Variants in SEZ6L observed in about 807,000 individuals in gnomAD.
SEZ6L encodes seizure related 6 homolog like, also known as seizure 6-like protein.
A neutral mutation model predicts 106.2 loss-of-function variants in SEZ6L; 37 were observed. That is an observed-to-expected ratio of 0.35 (90% confidence interval 0.27 to 0.46). The LOEUF (loss-of-function observed/expected upper bound fraction) is 0.46, where lower values mean the gene tolerates loss of function less well. SEZ6L is among the 20% of genes least tolerant of loss of function. SEZ6L has a pLI of 1.00. For missense variants in SEZ6L, 1,172 were observed against 1,332.8 expected (o/e 0.88, Z 1.88); for synonymous variants, 541 against 570.4 (o/e 0.95, Z 0.73).
intron 1 of SEZ6L, among the ~76,000 whole-genome samples, chr22:26,199,071 C>G (rs571372929): frequency 6.6e-6 from 1 of 152,266 alleles, no homozygotes; most frequent in South Asian, 2.1e-4. Flanking sequence ...CAGCTCTGGA[C>G]AGGTCTCTAA....
chr22:26,192,704 G>A lies in SEZ6L; in HGVS notation c.94+22941G>A, dbSNP rs193194449. On this transcript the variant is annotated intron_variant, in intron 1 of 16. Transcript: ENST00000248933. ...ATTTTCATGGGCTCTTAAAAAGCTT[G>A]TAGGCCTCAGGGCCTAATGGGTAAA... 3.4e-3 allele frequency among the ~76,000 whole-genome samples: 516 copies of A among 152,300 alleles called. 11 individuals are homozygous for A. The highest frequency in any genetic ancestry group is 4.9e-3 in the Admixed American group (75 of 15,292).
chr22:26,273,660 A>G (rs1196792359), intron 1 of SEZ6L, among the ~76,000 whole-genome samples: 2 of 152,228 alleles, frequency 1.3e-5, no homozygotes, highest in African/African-American at 4.8e-5. Context: ...TCTGATGCCC[A>G]GTGAGAACGT....
intron 3 of SEZ6L, among the ~76,000 whole-genome samples, chr22:26,294,871 C>CTCTTTCTCTT (rs1556318567): frequency 0.076 from 5,579 of 73,348 alleles, 431 homozygotes; most frequent in South Asian, 0.11. Context: ...CTTTCTCTTT[C>CTCTTTCTCTT]TCTTTCTTTC....
Position 26,356,368 on chromosome 22 carries a change from G to A in SEZ6L, c.2599+5125G>A, listed in dbSNP as rs148901930. On this transcript the variant is annotated intron_variant, in intron 12 of 16. Coordinates refer to ENST00000248933, the MANE Select transcript of SEZ6L (RefSeq NM_021115.5). ...AAATAATGACAATTGCTGGCTGGGC[G>A]TGATGGCTTACACCTGTAATCCTAG... Among the ~76,000 whole-genome samples the A allele has an allele frequency of 6.5e-3, 990 of 152,168 alleles. 7 individuals carry two copies. Among genetic ancestry groups the A allele is most frequent in the African/African-American group, 0.023 (952 of 41,490 alleles).
intron 1 of SEZ6L, among the ~76,000 whole-genome samples, chr22:26,207,720 T>C (rs1263425184): frequency 6.6e-6 from 1 of 152,196 alleles, no homozygotes; most frequent in Non-Finnish European, 1.5e-5. Flanking sequence ...AGGAATTACA[T>C]TATATATCCT....
intron 9 of SEZ6L, among the ~76,000 whole-genome samples, chr22:26,339,271 GAGA>G (rs1466002339): frequency 1.3e-5 from 2 of 152,122 alleles, no homozygotes; most frequent in African/African-American, 2.4e-5. Flanking sequence ...GAACATTAAG[GAGA>G]AGGAGACAAG....
At chr22:26,223,776 T>C (rs1023159739) in intron 1 of SEZ6L, among the ~76,000 whole-genome samples, 3 of 152,178 alleles carry the variant, frequency 2.0e-5, no homozygotes, top group African/African-American at 4.8e-5. Context: ...TCAACAGTAA[T>C]AATTATTATC....
At chr22:26,325,993 G>A (rs993563045) in intron 9 of SEZ6L, among the ~76,000 whole-genome samples, 1 of 151,904 alleles carries the variant, frequency 6.6e-6, no homozygotes, top group Non-Finnish European at 1.5e-5. Flanking sequence ...TGTTACAGTA[G>A]GAATGAAGAG....
intron 9 of SEZ6L, among the ~76,000 whole-genome samples, chr22:26,331,006 T>C (rs2082462852): frequency 6.6e-6 from 1 of 152,204 alleles, no homozygotes; most frequent in African/African-American, 2.4e-5. Flanking sequence ...TAGAAAGGAA[T>C]AAGGAAAAGA....
chr22:26,274,684 G>A (rs1177549283), intron 1 of SEZ6L, among the ~76,000 whole-genome samples: 4 of 152,158 alleles, frequency 2.6e-5, no homozygotes, highest in African/African-American at 9.7e-5. Context: ...ATCAGCAAAG[G>A]GAAGAGGTAC....
chr22:26,234,377 G>A (rs2078893582), intron 1 of SEZ6L, among the ~76,000 whole-genome samples: 1 of 152,224 alleles, frequency 6.6e-6, no homozygotes, highest in Non-Finnish European at 1.5e-5. Context: ...CCAAAGAAAT[G>A]TTCCATCTGA....
chr22:26,232,933 A>G (rs1016917114), intron 1 of SEZ6L, among the ~76,000 whole-genome samples: 8 of 152,232 alleles, frequency 5.3e-5, no homozygotes, highest in African/African-American at 1.9e-4. Context: ...CACTTAGCCC[A>G]GGGGTTTTAG....
chr22:26,173,289 T>C lies in SEZ6L; in HGVS notation c.94+3526T>C, dbSNP rs5761391. On this transcript the variant is annotated intron_variant, in intron 1 of 16. Transcript: ENST00000248933. ...ACACCAAGAAAACAAATCTCTGCGA[T>C]TGGCATGAAGCAGATGTTGGTGTAA... Among the ~76,000 whole-genome samples, 110 of 152,334 alleles carry C rather than the reference T, an allele frequency of 7.2e-4. 1 individual carries two copies. The East Asian group carries it at 0.02, about 28-fold the overall frequency.
intron 1 of SEZ6L, among the ~76,000 whole-genome samples, chr22:26,247,970 C>T (rs5997059): frequency 0.018 from 2,816 of 152,298 alleles, 92 homozygotes; most frequent in African/African-American, 0.065. Context: ...TGCCTGCCCT[C>T]AGCCTCCAGA....
At chr22:26,198,586 T>G (rs1257606152) in intron 1 of SEZ6L, among the ~76,000 whole-genome samples, 1 of 152,266 alleles carries the variant, frequency 6.6e-6, no homozygotes, top group Non-Finnish European at 1.5e-5. Context: ...TTCTAGATGC[T>G]GGCATTGGCA....
chr22:26,198,301 G>C (rs1940707992), intron 1 of SEZ6L, among the ~76,000 whole-genome samples: 1 of 152,198 alleles, frequency 6.6e-6, no homozygotes, highest in African/African-American at 2.4e-5. Context: ...ATATCTAATG[G>C]ATAATACATG....
rs767237666 is a variant in SEZ6L, at chr22:26,310,839, G to C, written c.1681+3G>C. On this transcript the variant is annotated splice_donor_region_variant and intron_variant, in intron 7 of 16. Transcript: ENST00000248933. ...CACCTTCAACATCCGATTTGAAGGT[G>C]AGGGTCCCTGGGAGCTTCCCTTTCT... is the stretch of plus-strand genomic sequence containing the variant. 1 of 1,613,444 alleles carries C rather than the reference G, an allele frequency of 6.2e-7. No individual in the cohort carries two copies. The highest frequency in any genetic ancestry group is 8.5e-7 in the Non-Finnish European group (1 of 1,179,900).
In SEZ6L at chr22:26,383,157, T is replaced by C. The variant is rs1157875634; in HGVS notation, c.*2862T>C. On this transcript the variant is annotated 3_prime_UTR_variant, in exon 17 of 17. Coordinates refer to ENST00000248933, the MANE Select transcript of SEZ6L (RefSeq NM_021115.5). ...GGCCATTCTTACTTAGTTTCATAGA[T>C]GTGCTTTAACTATGATCCTTTGAAG... is the stretch of plus-strand genomic sequence containing the variant. The C allele has an allele frequency of 1.3e-5, 2 of 151,434 alleles. No individual in the cohort carries two copies. The highest frequency in any genetic ancestry group is 2.9e-5 in the Non-Finnish European group (2 of 67,940). The allele number at this position is 151,434 out of a possible 1,614,324, so 9.4% of individuals were successfully genotyped here.
intron 5 of SEZ6L, 24 bp from the exon 6 acceptor site, chr22:26,305,954 GC>G: frequency 1.0e-6 from 1 of 993,556 alleles, no homozygotes; most frequent in Admixed American, 1.8e-5. Context: ...CTCTCCCATT[GC>G]CCACCCACCC....
Sources: allele counts gnomAD v4.1 joint callset (sites outside exome capture counted in the v4.1 genomes callset), GRCh38; gene constraint gnomAD v4.1.1; transcripts MANE v1.5; gene names NCBI Gene and HGNC (gene_info 2026-07-23, HGNC 2026-07-21).